ADAMTS18: variants seen among roughly 807,000 people sequenced by gnomAD.
The protein encoded by ADAMTS18 is ADAM metallopeptidase with thrombospondin type 1 motif 18.
A neutral mutation model predicts 165.9 loss-of-function variants in ADAMTS18; 157 were observed. That is an observed-to-expected ratio of 0.95 (90% CI 0.83 to 1.08). ADAMTS18 has a LOEUF of 1.08. ADAMTS18 is among the 50% of genes least tolerant of loss of function. The pLI, the probability that ADAMTS18 is intolerant of heterozygous loss-of-function variation, is 0.00. For missense variants in ADAMTS18, 2,040 were observed against 1,534.0 expected, an observed-to-expected ratio of 1.33 and a Z score of -5.51; for synonymous variants, 782 against 578.2, an observed-to-expected ratio of 1.35 and a Z score of -5.06.
In ADAMTS18 at chr16:77,434,400, T is replaced by G. The variant is rs2057771726; in HGVS notation, c.178+18A>C. On this transcript the variant is annotated intron_variant, in intron 2 of 22. Transcript: ENST00000282849. ...TGCTGCGAAAGGCCCTTCTTGGGGA[T>G]GGGGGGCAAATACGAACCATCATTT... 6.4e-7 allele frequency: 1 copy of G among 1,562,052 alleles called. No homozygotes were observed. The highest frequency in any genetic ancestry group is 8.6e-7 in the Non-Finnish European group (1 of 1,160,046).
chr16:77,294,630 A>G (rs969637693), intron 19 of ADAMTS18, among the ~76,000 whole-genome samples: 7 of 152,212 alleles, frequency 4.6e-5, no homozygotes, highest in Non-Finnish European at 8.8e-5. Flanking sequence ...AGAATTCAGT[A>G]GCCAGTCTTC....
At chr16:77,371,120 T>G (rs2056870126) in intron 3 of ADAMTS18, among the ~76,000 whole-genome samples, 1 of 151,954 alleles carries the variant, frequency 6.6e-6, no homozygotes, top group Non-Finnish European at 1.5e-5. Context: ...AAGGGTGAGC[T>G]GGGAGGATTG....
chr16:77,325,672 T>C lies in ADAMTS18; in HGVS notation c.2032+194A>G, dbSNP rs1006780554. Reference sequence around the variant, plus strand: ...GATGTGGGAGACAAGAGGTATCTTATAGGGGGAAAAAAAAAAAAACAACAG... The same window carrying C: ...GATGTGGGAGACAAGAGGTATCTTACAGGGGGAAAAAAAAAAAAACAACAG... On this transcript the variant is annotated intron_variant, in intron 13 of 22. Coordinates refer to ENST00000282849, the MANE Select transcript of ADAMTS18 (RefSeq NM_199355.4). Among the ~76,000 whole-genome samples the C allele has an allele frequency of 1.2e-4, 14 of 115,568 alleles. No individual in the cohort carries two copies. The South Asian group carries it at 2.0e-3, about 17-fold the overall frequency. 75.8% of individuals were successfully genotyped at this position (115,568 alleles called of 152,430 possible).
At chr16:77,336,015 A>C in intron 11 of ADAMTS18, 111 bp from the exon 12 acceptor site, 1 of 1,276,076 alleles carries the variant, frequency 7.8e-7, no homozygotes, top group African/African-American at 1.5e-5. Flanking sequence ...GGAGAAAAGG[A>C]AAATGCCTGA....
chr16:77,426,718 T>G (rs986464295), intron 3 of ADAMTS18, among the ~76,000 whole-genome samples: 3 of 152,198 alleles, frequency 2.0e-5, no homozygotes, highest in Admixed American at 6.5e-5. Context: ...AGGCTAATAG[T>G]TGTCCAATGA....
intron 16 of ADAMTS18, among the ~76,000 whole-genome samples, chr16:77,307,825 C>A (rs1334796173): frequency 6.6e-6 from 1 of 152,062 alleles, no homozygotes; most frequent in Non-Finnish European, 1.5e-5. Context: ...AGCCCCTTTA[C>A]CTTGGGGAGA....
chr16:77,330,915 A>C (rs575623577), intron 12 of ADAMTS18, among the ~76,000 whole-genome samples: 1 of 152,238 alleles, frequency 6.6e-6, no homozygotes, highest in Non-Finnish European at 1.5e-5. Flanking sequence ...AAAGAAATCC[A>C]TAACTTGAAA....
At chr16:77,342,655 G>A (rs1411152021) in intron 10 of ADAMTS18, among the ~76,000 whole-genome samples, 1 of 152,202 alleles carries the variant, frequency 6.6e-6, no homozygotes, top group Non-Finnish European at 1.5e-5. Flanking sequence ...CCAGGCCTAT[G>A]AAATAATTTC....
At chr16:77,359,799 G>A (rs2056686028) in intron 7 of ADAMTS18, among the ~76,000 whole-genome samples, 1 of 152,164 alleles carries the variant, frequency 6.6e-6, no homozygotes, top group Non-Finnish European at 1.5e-5. Flanking sequence ...CAAAACCAAT[G>A]CAAAATGCTC....
chr16:77,314,144 C>G (rs1487314013), intron 16 of ADAMTS18, among the ~76,000 whole-genome samples: 5 of 152,098 alleles, frequency 3.3e-5, no homozygotes, highest in Non-Finnish European at 7.4e-5. Context: ...GTCCACCAAA[C>G]AGATGGACTG....
chr16:77,404,538 G>A (rs1019806249), intron 3 of ADAMTS18, among the ~76,000 whole-genome samples: 1 of 152,094 alleles, frequency 6.6e-6, no homozygotes, highest in Non-Finnish European at 1.5e-5. Flanking sequence ...TGTCATCTAA[G>A]AATCAACACT....
chr16:77,342,609 G>A (rs1346052812), intron 10 of ADAMTS18, among the ~76,000 whole-genome samples: 1 of 152,088 alleles, frequency 6.6e-6, no homozygotes, highest in Non-Finnish European at 1.5e-5. Flanking sequence ...CGTCTCTATT[G>A]CAGTTTTCAA....
chr16:77,374,080 G>A (rs138881702), intron 3 of ADAMTS18, among the ~76,000 whole-genome samples: 41 of 152,006 alleles, frequency 2.7e-4, no homozygotes, highest in Non-Finnish European at 4.6e-4. Context: ...TTAGCCCGGC[G>A]TGGTGGCAGG....
intron 22 of ADAMTS18, among the ~76,000 whole-genome samples, chr16:77,287,380 A>C (rs2055274412): frequency 6.6e-6 from 1 of 152,160 alleles, no homozygotes; most frequent in Non-Finnish European, 1.5e-5. Context: ...AAAATCCTCA[A>C]CTTAGTAAAC....
intron 12 of ADAMTS18, among the ~76,000 whole-genome samples, chr16:77,333,696 A>T (rs1371238989): frequency 2.0e-5 from 3 of 151,332 alleles, no homozygotes; most frequent in Admixed American, 6.6e-5. Flanking sequence ...GTAACCTAAG[A>T]GTCCCTCAGT....
At chr16:77,293,354 G>T (rs908247069) in intron 19 of ADAMTS18, 96 bp from the exon 20 acceptor site, 122 of 1,138,896 alleles carry the variant, frequency 1.1e-4, no homozygotes, top group Middle Eastern at 2.0e-4. Context: ...CCTGTGAAAG[G>T]TGGGATAAAC....
intron 10 of ADAMTS18, among the ~76,000 whole-genome samples, chr16:77,352,956 G>A (rs928165767): frequency 5.9e-5 from 9 of 151,958 alleles, no homozygotes; most frequent in African/African-American, 9.7e-5. Flanking sequence ...AAAATTAGCC[G>A]AGCATGGTGG....
chr16:77,420,551 G>A (rs902353667), intron 3 of ADAMTS18, among the ~76,000 whole-genome samples: 2 of 152,140 alleles, frequency 1.3e-5, no homozygotes, highest in African/African-American at 4.8e-5. Flanking sequence ...CATACACACC[G>A]AGGTTAAATA....
At chr16:77,363,441 T>A (rs758034563) in intron 6 of ADAMTS18, among the ~76,000 whole-genome samples, 2 of 152,108 alleles carry the variant, frequency 1.3e-5, no homozygotes, top group Non-Finnish European at 2.9e-5. Context: ...TAGCTAATCC[T>A]TAAATCTATG....
Sources: gnomAD v4.1 joint callset for allele counts (sites outside exome capture counted in the v4.1 genomes callset) on GRCh38, gnomAD v4.1.1 for gene constraint, MANE v1.5 for transcripts, NCBI Gene and HGNC (gene_info 2026-07-23, HGNC 2026-07-21) for gene names.